Variants in RPIA observed in about 807,000 individuals in gnomAD.
The protein encoded by RPIA is ribose 5-phosphate isomerase A.
Under a neutral mutation model 37.8 loss-of-function variants are expected in RPIA, and 29 were observed. The ratio of observed to expected loss-of-function variants is 0.77; its 90% confidence interval spans 0.57 to 1.05. The LOEUF is 1.05. RPIA is among the 50% of genes least tolerant of loss of function. The probability of loss-of-function intolerance (pLI) is 0.00; values close to 1 mark genes in which losing one functional copy is unlikely to be tolerated. For synonymous variants in RPIA, 167 were observed against 157.0 expected, an observed-to-expected ratio of 1.06 and a Z score of -0.48; for missense variants, 385 against 413.6, an observed-to-expected ratio of 0.93 and a Z score of 0.60.
At chr2:88,692,708 C>T (rs1274174563) in intron 1 of RPIA, among the ~76,000 whole-genome samples, 1 of 152,016 alleles carries the variant, frequency 6.6e-6, no homozygotes, top group African/African-American at 2.4e-5. Flanking sequence ...AATAAGGAAG[C>T]CAAGTGGAGT....
chr2:88,738,552 C>G (rs1673344229), intron 8 of RPIA, among the ~76,000 whole-genome samples: 1 of 152,194 alleles, frequency 6.6e-6, no homozygotes, highest in Non-Finnish European at 1.5e-5. Context: ...TGTAATCTGT[C>G]CTCAAGGAGA....
chr2:88,743,366 C>G (rs777251210), intron 8 of RPIA, among the ~76,000 whole-genome samples: 1 of 152,136 alleles, frequency 6.6e-6, no homozygotes, highest in Non-Finnish European at 1.5e-5. Context: ...TAAACCATCC[C>G]TGCATCCCTG....
chr2:88,712,220 G>A (rs1672969589), intron 3 of RPIA, among the ~76,000 whole-genome samples: 1 of 152,178 alleles, frequency 6.6e-6, no homozygotes, highest in Non-Finnish European at 1.5e-5. Context: ...GTATGCAGGT[G>A]TCTCAGGATC....
At position 88,698,551 on chromosome 2, in the gene RPIA, T is replaced by C. The variant is rs1232573473; in HGVS notation, c.346+7T>C. On this transcript the variant is annotated splice_region_variant and intron_variant, in intron 2 of 8. Transcript: ENST00000283646. Reference sequence around the variant, plus strand: ...CATGCTGTGCAGCGAATAGGTATGCTCTCTCACTGTCTACTGGATGTTTTG... The same window carrying C: ...CATGCTGTGCAGCGAATAGGTATGCCCTCTCACTGTCTACTGGATGTTTTG... 1.9e-6 allele frequency: 3 copies of C among 1,611,336 alleles called. No individual in the cohort carries two copies. The African/African-American group carries it at 4.0e-5, about 21-fold the overall frequency.
intron 3 of RPIA, among the ~76,000 whole-genome samples, chr2:88,703,357 C>A (rs1483315540): frequency 1.3e-5 from 2 of 152,336 alleles, no homozygotes; most frequent in East Asian, 3.9e-4. Context: ...CATGAGAGCC[C>A]CACTCCTGCA....
chr2:88,742,436 G>C (rs1404322473), intron 8 of RPIA, among the ~76,000 whole-genome samples: 1 of 152,146 alleles, frequency 6.6e-6, no homozygotes, highest in African/African-American at 2.4e-5. Context: ...GTACCATGCT[G>C]TTTGGTGACC....
At chr2:88,693,327 G>A (rs1676969131) in intron 1 of RPIA, among the ~76,000 whole-genome samples, 1 of 152,152 alleles carries the variant, frequency 6.6e-6, no homozygotes, top group African/African-American at 2.4e-5. Flanking sequence ...TTAGGCTAGA[G>A]CCCCAAAACA....
chr2:88,748,735 A>T (rs1213422260), intron 8 of RPIA, among the ~76,000 whole-genome samples: 2 of 152,080 alleles, frequency 1.3e-5, no homozygotes. Context: ...TTTTGGAGAC[A>T]GGATCTTGCT....
At chr2:88,705,563 T>C (rs1672888168) in intron 3 of RPIA, among the ~76,000 whole-genome samples, 1 of 152,142 alleles carries the variant, frequency 6.6e-6, no homozygotes, top group Admixed American at 6.5e-5. Flanking sequence ...TAACTCAAGA[T>C]GGATTAAGGA....
chr2:88,734,617 G>C lies in RPIA; in HGVS notation c.527+1G>C, dbSNP rs576747693. 1 of 1,614,136 alleles carries C rather than the reference G, an allele frequency of 6.2e-7. No individual in the cohort carries two copies. The highest frequency in any genetic ancestry group is 2.2e-5 in the East Asian group (1 of 44,878). On this transcript the variant is annotated splice_donor_variant, in intron 5 of 8. Coordinates refer to ENST00000283646, the MANE Select transcript of RPIA (RefSeq NM_144563.3). LOFTEE classifies it high-confidence loss of function. ...ATCTCAATCTCATCAAGGGTGGCGG[G>C]TGAGTGTTGTGGGGGCTTCTGTGCT...
chr2:88,706,967 A>G (rs1672905784), intron 3 of RPIA, among the ~76,000 whole-genome samples: 1 of 152,242 alleles, frequency 6.6e-6, no homozygotes, highest in Non-Finnish European at 1.5e-5. Flanking sequence ...ATTAAGCTAC[A>G]TATTCTTGGT....
At chr2:88,703,310 C>T (rs559319698) in intron 3 of RPIA, among the ~76,000 whole-genome samples, 2 of 152,344 alleles carry the variant, frequency 1.3e-5, no homozygotes, top group East Asian at 3.9e-4. Context: ...GCTCCAACCC[C>T]ACATTTTCCA....
intron 1 of RPIA, among the ~76,000 whole-genome samples, chr2:88,697,306 G>T (rs756267439): frequency 1.3e-5 from 2 of 152,194 alleles, no homozygotes; most frequent in Admixed American, 6.5e-5. Context: ...GGCTCTGTAG[G>T]TCATAAGTGA....
intron 8 of RPIA, among the ~76,000 whole-genome samples, chr2:88,746,582 T>C (rs189104126): frequency 1.3e-5 from 2 of 152,212 alleles, no homozygotes; most frequent in Non-Finnish European, 2.9e-5. Context: ...TATTGGGGAA[T>C]GTCTGCAGAA....
chr2:88,729,446 G>A, intron 4 of RPIA, 109 bp downstream of exon 4: 1 of 1,137,890 alleles, frequency 8.8e-7, no homozygotes, highest in Non-Finnish European at 1.3e-6. Flanking sequence ...GAAGATGTCA[G>A]TTAGTTGTAC....
At chr2:88,721,904 T>A (rs55753336) in intron 3 of RPIA, among the ~76,000 whole-genome samples, 5,829 of 151,532 alleles carry the variant, frequency 0.038, 388 homozygotes, top group African/African-American at 0.13. Flanking sequence ...TGGTTTTTTT[T>A]AAATATCAAA....
At chr2:88,692,091 A>G (rs1018752067) in intron 1 of RPIA, 108 bp downstream of exon 1, 87 of 1,386,682 alleles carry the variant, frequency 6.3e-5, no homozygotes, top group Non-Finnish European at 8.4e-5. Context: ...GCAGGGCGGG[A>G]GCTGAGTGAG....
At chr2:88,737,929 G>C (rs753341690) in intron 7 of RPIA, 48 bp from the exon 8 acceptor site, 1 of 1,396,924 alleles carries the variant, frequency 7.2e-7, no homozygotes, top group Non-Finnish European at 1.0e-6. Flanking sequence ...GTCCTTCTCT[G>C]CCTACCTGTA....
At chr2:88,713,085 G>A (rs10198773) in intron 3 of RPIA, among the ~76,000 whole-genome samples, 58,276 of 112,708 alleles carry the variant, frequency 0.52, 15,143 homozygotes, top group African/African-American at 0.71. Flanking sequence ...TGGCCATGAC[G>A]TTTTGGATGT....
Sources: gnomAD v4.1 joint callset for allele counts (sites outside exome capture counted in the v4.1 genomes callset) on GRCh38, gnomAD v4.1.1 for gene constraint, MANE v1.5 for transcripts, NCBI Gene and HGNC (gene_info 2026-07-23, HGNC 2026-07-21) for gene names.